Variants in SLC26A7 observed in about 807,000 individuals in gnomAD.
SLC26A7 encodes solute carrier family 26 member 7.
Under a neutral mutation model 82.5 loss-of-function variants are expected in SLC26A7, and 59 were observed. That is an observed-to-expected ratio of 0.72 (90% CI 0.58 to 0.89). The LOEUF (loss-of-function observed/expected upper bound fraction) is 0.89, where lower values mean the gene tolerates loss of function less well. SLC26A7 is among the 40% of genes least tolerant of loss of function. The pLI is 0.00. For missense variants in SLC26A7, 820 were observed against 793.0 expected (o/e 1.03, Z -0.41); for synonymous variants, 271 against 274.3 (o/e 0.99, Z 0.12).
chr8:91,260,419 G>A (rs988387970), intron 2 of SLC26A7, among the ~76,000 whole-genome samples: 5 of 152,066 alleles, frequency 3.3e-5, no homozygotes, highest in African/African-American at 1.2e-4. Context: ...AGATTTAGGT[G>A]GGGACACAGA....
chr8:91,392,847 C>T (rs561196083), intron 16 of SLC26A7, among the ~76,000 whole-genome samples: 2 of 152,096 alleles, frequency 1.3e-5, no homozygotes, highest in Non-Finnish European at 2.9e-5. Context: ...AAGAGTGAAA[C>T]ACTGGGAGGT....
chr8:91,366,772 C>T, intron 14 of SLC26A7, 55 bp downstream of exon 14: 2 of 1,543,136 alleles, frequency 1.3e-6, no homozygotes, highest in African/African-American at 1.4e-5. Flanking sequence ...TATATCATGA[C>T]AATAAAACAT....
chr8:91,340,703 A>C (rs1199529649), intron 8 of SLC26A7, 152 bp downstream of exon 8: 3 of 877,786 alleles, frequency 3.4e-6, no homozygotes, highest in Non-Finnish European at 5.1e-6. Context: ...TATCAAAATC[A>C]TTCATAGGAA....
intron 1 of SLC26A7, among the ~76,000 whole-genome samples, chr8:91,213,694 G>T (rs1421834748): frequency 1.3e-5 from 2 of 152,182 alleles, no homozygotes; most frequent in East Asian, 1.9e-4. Flanking sequence ...GATCACTGTA[G>T]GTTGTCTGGT....
chr8:91,349,639 C>G (rs1433890340), intron 9 of SLC26A7, among the ~76,000 whole-genome samples: 1 of 152,064 alleles, frequency 6.6e-6, no homozygotes, highest in East Asian at 1.9e-4. Context: ...GCTCTATGAC[C>G]TTGGCATAGT....
chr8:91,256,218 A>C (rs1810798230), intron 2 of SLC26A7, among the ~76,000 whole-genome samples: 1 of 152,122 alleles, frequency 6.6e-6, no homozygotes, highest in Admixed American at 6.6e-5. Flanking sequence ...GCATTGAGGC[A>C]TTGTCTTCCT....
chr8:91,394,076 A>G, intron 18 of SLC26A7, 37 bp downstream of exon 18: 1 of 1,595,982 alleles, frequency 6.3e-7, no homozygotes, highest in Middle Eastern at 1.7e-4. Context: ...AGTTATAAGA[A>G]TATTCAGAAT....
At chr8:91,216,782 C>T (rs1285847540) in intron 1 of SLC26A7, among the ~76,000 whole-genome samples, 1 of 152,062 alleles carries the variant, frequency 6.6e-6, no homozygotes, top group African/African-American at 2.4e-5. Context: ...GTCTGTCATT[C>T]AAAAATACTT....
Position 91,396,917 on chromosome 8 carries a change from T to C in SLC26A7, c.*1820T>C, listed in dbSNP as rs908297221. 4 of 152,086 alleles carry C rather than the reference T, an allele frequency of 2.6e-5. No homozygotes were observed. Among genetic ancestry groups the C allele is most frequent in the Non-Finnish European group, 5.9e-5 (4 of 67,934 alleles). 9.4% of individuals were successfully genotyped at this position (152,086 alleles called of 1,614,324 possible). A position where few individuals can be genotyped will look rare whatever the true frequency, so the allele number is the denominator to read the frequency against. On this transcript the variant is annotated 3_prime_UTR_variant, in exon 19 of 19. Transcript: ENST00000276609. ...GAAAATATATTTTGCTGTGTATAAA[T>C]TGATATTTTGCTATGCAACTCCTGT...
At chr8:91,324,087 A>G (rs191963254) in intron 5 of SLC26A7, among the ~76,000 whole-genome samples, 1 of 152,222 alleles carries the variant, frequency 6.6e-6, no homozygotes, top group African/African-American at 2.4e-5. Flanking sequence ...TTGGCCTCCC[A>G]AAGTGCTGGG....
chr8:91,258,007 A>G (rs150807807), intron 2 of SLC26A7, among the ~76,000 whole-genome samples: 1,798 of 152,076 alleles, frequency 0.012, 31 homozygotes, highest in African/African-American at 0.042. Context: ...ACACTTATAA[A>G]ACCATAAGAT....
chr8:91,356,259 G>A (rs1813865666), intron 11 of SLC26A7, among the ~76,000 whole-genome samples: 1 of 152,180 alleles, frequency 6.6e-6, no homozygotes. Context: ...TGGGATGGCT[G>A]GGTCAAATGG....
At chr8:91,233,846 A>G (rs1330291447) in intron 2 of SLC26A7, among the ~76,000 whole-genome samples, 1 of 152,202 alleles carries the variant, frequency 6.6e-6, no homozygotes, top group Non-Finnish European at 1.5e-5. Context: ...TGCTATAGAC[A>G]TGCTATTTTT....
chr8:91,366,454 A>G (rs1814193456), intron 13 of SLC26A7, 126 bp from the exon 14 acceptor site: 1 of 1,031,396 alleles, frequency 9.7e-7, no homozygotes, highest in African/African-American at 1.6e-5. Context: ...AGGCCTCTAA[A>G]TACATTTTAG....
chr8:91,342,101 T>A (rs1813435573), intron 8 of SLC26A7, among the ~76,000 whole-genome samples: 1 of 151,696 alleles, frequency 6.6e-6, no homozygotes, highest in Non-Finnish European at 1.5e-5. Flanking sequence ...CTACTTTTTT[T>A]TTTCATTTTT....
upstream of SLC26A7, among the ~76,000 whole-genome samples, chr8:91,248,034 C>A (rs1473074296): frequency 1.3e-5 from 2 of 152,168 alleles, no homozygotes; most frequent in East Asian, 3.9e-4. Context: ...ATGTTTCAAG[C>A]ATGAATTTAC....
chr8:91,296,081 G>C (rs1812009017), intron 4 of SLC26A7, among the ~76,000 whole-genome samples: 1 of 152,150 alleles, frequency 6.6e-6, no homozygotes, highest in Non-Finnish European at 1.5e-5. Context: ...AAGGAGATGT[G>C]ACCAGATCTC....
intron 2 of SLC26A7, among the ~76,000 whole-genome samples, chr8:91,263,459 T>C (rs1430692865): frequency 6.6e-6 from 1 of 152,106 alleles, no homozygotes; most frequent in East Asian, 1.9e-4. Context: ...TGAAAGCAAC[T>C]ATAAGTGCAA....
At chr8:91,210,429 C>T (rs1438424258) in intron 1 of SLC26A7, among the ~76,000 whole-genome samples, 1 of 152,040 alleles carries the variant, frequency 6.6e-6, no homozygotes, top group African/African-American at 2.4e-5. Context: ...ATATTTGAAA[C>T]ACTGTCATGT....
Sources: allele counts gnomAD v4.1 joint callset (sites outside exome capture counted in the v4.1 genomes callset), GRCh38; gene constraint gnomAD v4.1.1; transcripts MANE v1.5; gene names NCBI Gene and HGNC (gene_info 2026-07-23, HGNC 2026-07-21).